The following ADD3 variants were observed in gnomAD, a reference collection of about 807,000 sequenced individuals.
ADD3 encodes gamma-adducin.
Under a neutral mutation model 80.2 loss-of-function variants are expected in ADD3, and 25 were observed. The observed-to-expected ratio is 0.31, with a 90% CI of 0.23 to 0.44. ADD3 has a LOEUF of 0.44. Among genes scored for constraint, ADD3 ranks in the 20% least tolerant of loss-of-function variants. The probability of loss-of-function intolerance (pLI) is 1.00; values close to 1 mark genes in which losing one functional copy is unlikely to be tolerated. For synonymous variants in ADD3, 284 were observed against 289.6 expected, an observed-to-expected ratio of 0.98 and a Z score of 0.20; for missense variants, 829 against 847.5, an observed-to-expected ratio of 0.98 and a Z score of 0.27.
chr10:110,120,860 G>T (rs11194990), intron 8 of ADD3, among the ~76,000 whole-genome samples: 21,712 of 151,898 alleles, frequency 0.14, 5,028 homozygotes, highest in African/African-American at 0.49. Flanking sequence ...CCTACGACTA[G>T]CTGATCTTTG....
Position 110,122,128 on chromosome 10 carries a change from G to A in ADD3, c.979G>A (p.Ala327Thr). The change falls in exon 9 of 15, where the codon GCA becomes ACA. Residue 327 changes from alanine (A) to threonine (T), a missense_variant. Physicochemically the swap from Ala to Thr is moderately conservative, Grantham distance 58. Coordinates refer to ENST00000356080, the MANE Select transcript of ADD3 (RefSeq NM_016824.5). Reference sequence around the variant, plus strand: ...ATTACAGGTGCAGGCCCTAGCAGGTGCAGGTGGAGTAGACAATCTCCATGT... The same window carrying A: ...ATTACAGGTGCAGGCCCTAGCAGGTACAGGTGGAGTAGACAATCTCCATGT... ...CEIQVQALAG[A>T]GGVDNLHVLD... The A allele has an allele frequency of 6.2e-7, 1 of 1,613,650 alleles. No individual in the cohort carries two copies. The highest frequency in any genetic ancestry group is 8.5e-7 in the Non-Finnish European group (1 of 1,179,692).
intron 1 of ADD3, among the ~76,000 whole-genome samples, chr10:110,046,607 A>G (rs113851473): frequency 0.025 from 3,760 of 152,276 alleles, 100 homozygotes; most frequent in South Asian, 0.13. Context: ...CAATGTTACA[A>G]GAGCCAAGGG....
In ADD3 at chr10:110,133,517, C is replaced by T; in HGVS notation, c.2020C>T (p.Pro674Ser). The T allele has an allele frequency of 4.3e-6, 7 of 1,613,392 alleles. No homozygotes were observed. Among genetic ancestry groups the T allele is most frequent in the East Asian group, 2.2e-5 (1 of 44,844 alleles). The change falls in exon 15 of 15, where the codon CCT becomes TCT. Residue 674 changes from proline (P) to serine (S), a missense_variant. By Grantham distance (74) the Pro-to-Ser change is moderately conservative. Coordinates refer to ENST00000356080, the MANE Select transcript of ADD3 (RefSeq NM_016824.5). Reference protein sequence around the residue: ...SPEKIEEVLSPEGSPSKSPSK... With the variant: ...SPEKIEEVLSSEGSPSKSPSK... The stretch of plus-strand genomic sequence containing the variant: ...AGAGAAAATCGAAGAAGTCCTGTCA[C>T]CTGAAGGCTCCCCTTCAAAATCGCC...
intron 1 of ADD3, among the ~76,000 whole-genome samples, chr10:110,081,315 G>A (rs867501541): frequency 8.5e-5 from 13 of 152,228 alleles, no homozygotes; most frequent in Middle Eastern, 3.4e-3. Flanking sequence ...GCCAAGCACT[G>A]AGTTAAATGC....
At chr10:110,063,737 T>TTTTA (rs1491263798) in intron 1 of ADD3, among the ~76,000 whole-genome samples, 19 of 64,660 alleles carry the variant, frequency 2.9e-4, no homozygotes, top group Non-Finnish European at 3.7e-4. Flanking sequence ...TATATATTCA[T>TTTTA]TATATATATA....
chr10:110,037,210 G>A (rs1000499553), intron 1 of ADD3, among the ~76,000 whole-genome samples: 2 of 152,150 alleles, frequency 1.3e-5, no homozygotes, highest in East Asian at 1.9e-4. Context: ...CACATCAGTC[G>A]ACCTCTGTTT....
intron 1 of ADD3, among the ~76,000 whole-genome samples, chr10:110,050,620 C>G (rs1050619346): frequency 2.7e-4 from 41 of 150,786 alleles, no homozygotes; most frequent in Non-Finnish European, 1.0e-4. Flanking sequence ...TCAAGCGATT[C>G]TCCTGCCTCA....
intron 1 of ADD3, among the ~76,000 whole-genome samples, chr10:110,032,241 A>G (rs572400829): frequency 2.6e-5 from 4 of 152,356 alleles, no homozygotes; most frequent in Non-Finnish European, 5.9e-5. Flanking sequence ...CTTAATGGCC[A>G]TGTCCTTGAC....
intron 2 of ADD3, among the ~76,000 whole-genome samples, chr10:110,106,494 G>A (rs905802867): frequency 3.3e-5 from 5 of 151,846 alleles, no homozygotes; most frequent in Admixed American, 1.3e-4. Flanking sequence ...ATAGTATTCC[G>A]GAATATGTGA....
intron 1 of ADD3, among the ~76,000 whole-genome samples, chr10:110,058,575 C>A (rs76142341): frequency 2.5e-4 from 38 of 152,254 alleles, no homozygotes; most frequent in African/African-American, 8.9e-4. Context: ...GCTGTGCTCT[C>A]CTCTGATGTA....
At chr10:110,114,860 T>C (rs149264602) in intron 3 of ADD3, among the ~76,000 whole-genome samples, 1,738 of 149,562 alleles carry the variant, frequency 0.012, 25 homozygotes, top group African/African-American at 0.04. Context: ...GGAGGATCAC[T>C]GGAGGCCAGG....
At chr10:110,095,808 C>T (rs563294625) in intron 1 of ADD3, among the ~76,000 whole-genome samples, 1 of 152,158 alleles carries the variant, frequency 6.6e-6, no homozygotes, top group Non-Finnish European at 1.5e-5. Flanking sequence ...GATATGACAG[C>T]CTCCACAAAT....
At chr10:110,022,723 A>G (rs963554625) in intron 1 of ADD3, among the ~76,000 whole-genome samples, 8 of 152,228 alleles carry the variant, frequency 5.3e-5, no homozygotes, top group African/African-American at 1.9e-4. Flanking sequence ...TACTATAGCA[A>G]CAATTCAAAG....
chr10:110,052,573 G>T (rs73349486), intron 1 of ADD3, among the ~76,000 whole-genome samples: 12,469 of 152,234 alleles, frequency 0.082, 1,647 homozygotes, highest in African/African-American at 0.28. Context: ...CCCCCAGTCT[G>T]TGGAAAAATT....
At chr10:110,092,827 A>G (rs536700481) in intron 1 of ADD3, among the ~76,000 whole-genome samples, 1 of 151,406 alleles carries the variant, frequency 6.6e-6, no homozygotes, top group South Asian at 2.1e-4. Context: ...AAAGTTGGGG[A>G]TACTGGTCGC....
intron 1 of ADD3, among the ~76,000 whole-genome samples, chr10:110,031,613 G>C (rs1272288802): frequency 6.6e-6 from 1 of 151,844 alleles, no homozygotes; most frequent in African/African-American, 2.4e-5. Context: ...CTTGGCAAAT[G>C]GTGTTGACTG....
chr10:110,034,401 A>G (rs1044317262), intron 1 of ADD3, among the ~76,000 whole-genome samples: 1 of 151,814 alleles, frequency 6.6e-6, no homozygotes, highest in Non-Finnish European at 1.5e-5. Flanking sequence ...ACATTTTTTG[A>G]TAAACAAGAT....
At chr10:110,103,356 C>T (rs1849052108) in intron 2 of ADD3, among the ~76,000 whole-genome samples, 1 of 152,166 alleles carries the variant, frequency 6.6e-6, no homozygotes, top group South Asian at 2.1e-4. Flanking sequence ...GCTCAAGTTC[C>T]CTGATGAAGT....
At chr10:110,095,470 T>C (rs2133903831) in intron 1 of ADD3, among the ~76,000 whole-genome samples, 1 of 152,372 alleles carries the variant, frequency 6.6e-6, no homozygotes. Flanking sequence ...ATACAATATG[T>C]GGTCCTTGGT....
Sources: gnomAD v4.1 joint callset for allele counts (sites outside exome capture counted in the v4.1 genomes callset) on GRCh38, gnomAD v4.1.1 for gene constraint, MANE v1.5 for transcripts, NCBI Gene and HGNC (gene_info 2026-07-23, HGNC 2026-07-21) for gene names.